Variants in CRACDL observed in about 807,000 individuals in gnomAD.
The protein encoded by CRACDL is CRACD-like protein.
Under a neutral mutation model 70.6 loss-of-function variants are expected in CRACDL, and 26 were observed. The observed-to-expected ratio is 0.37, with a 90% confidence interval of 0.27 to 0.51. The LOEUF is 0.51. CRACDL is among the 20% of genes least tolerant of loss of function. CRACDL has a pLI of 0.94. For missense variants in CRACDL, 1,283 were observed against 1,376.9 expected, an observed-to-expected ratio of 0.93 and a Z score of 1.08; for synonymous variants, 618 against 615.2, an observed-to-expected ratio of 1.00 and a Z score of -0.07.
intron 7 of CRACDL, among the ~76,000 whole-genome samples, chr2:98,800,816 T>C (rs1704044004): frequency 6.6e-6 from 1 of 152,240 alleles, no homozygotes; most frequent in Admixed American, 6.5e-5. Context: ...ATGCTGAGCT[T>C]GGCAAGAGGT....
At chr2:98,821,803 T>G in intron 7 of CRACDL, 54 bp downstream of exon 7, 2 of 1,580,120 alleles carry the variant, frequency 1.3e-6, no homozygotes, top group East Asian at 4.6e-5. Flanking sequence ...GATGTGCCCG[T>G]GGATGTGGAT....
At chr2:98,913,246 A>T (rs967505075) in intron 1 of CRACDL, among the ~76,000 whole-genome samples, 1 of 152,234 alleles carries the variant, frequency 6.6e-6, no homozygotes, top group African/African-American at 2.4e-5. Flanking sequence ...TGCAGGAGGC[A>T]GACAGGCATG....
chr2:98,933,994 C>T (rs1190382386), intron 1 of CRACDL, among the ~76,000 whole-genome samples: 1 of 152,198 alleles, frequency 6.6e-6, no homozygotes, highest in East Asian at 1.9e-4. Flanking sequence ...AAGGGACGAG[C>T]GAGCTCCTTG....
At chr2:98,877,680 A>T (rs1327769781) in intron 1 of CRACDL, among the ~76,000 whole-genome samples, 1 of 151,902 alleles carries the variant, frequency 6.6e-6, no homozygotes, top group Non-Finnish European at 1.5e-5. Context: ...ACCTGGGAGG[A>T]GGAGGTTGCA....
At chr2:98,934,583 C>G (rs533563982) in intron 1 of CRACDL, among the ~76,000 whole-genome samples, 154 of 152,272 alleles carry the variant, frequency 1.0e-3, no homozygotes, top group Admixed American at 2.4e-3. Flanking sequence ...CATGACGCAT[C>G]CTATGCAGCA....
chr2:98,929,359 C>T (rs1344708789), intron 1 of CRACDL, among the ~76,000 whole-genome samples: 5 of 152,198 alleles, frequency 3.3e-5, no homozygotes, highest in Non-Finnish European at 7.3e-5. Flanking sequence ...CGCACCTACT[C>T]CCTTACCTGT....
chr2:98,867,135 G>C (rs1048600505), intron 1 of CRACDL, among the ~76,000 whole-genome samples: 2 of 152,160 alleles, frequency 1.3e-5, no homozygotes, highest in African/African-American at 2.4e-5. Flanking sequence ...TTCTTTGCAA[G>C]AAAATACCAT....
At chr2:98,930,166 TC>T (rs1278199522) in intron 1 of CRACDL, among the ~76,000 whole-genome samples, 1 of 152,084 alleles carries the variant, frequency 6.6e-6, no homozygotes, top group Non-Finnish European at 1.5e-5. Flanking sequence ...CCAGGGCACC[TC>T]CCATCCGTGG....
chr2:98,883,421 G>C (rs1426341559), intron 1 of CRACDL, among the ~76,000 whole-genome samples: 3 of 152,196 alleles, frequency 2.0e-5, no homozygotes, highest in Admixed American at 6.5e-5. Context: ...CACCAGGCTG[G>C]GTGGGATTAA....
At chr2:98,930,035 T>C (rs1709030531) in intron 1 of CRACDL, among the ~76,000 whole-genome samples, 1 of 152,090 alleles carries the variant, frequency 6.6e-6, no homozygotes, top group Non-Finnish European at 1.5e-5. Flanking sequence ...GCTTCCCCAC[T>C]GGTGACCCAA....
chr2:98,920,133 A>C (rs919076764), intron 1 of CRACDL, among the ~76,000 whole-genome samples: 2 of 152,150 alleles, frequency 1.3e-5, no homozygotes, highest in African/African-American at 4.8e-5. Flanking sequence ...TTAAATCCAT[A>C]AGTTAATTTG....
chr2:98,921,695 A>AT (rs1310461761), intron 1 of CRACDL, among the ~76,000 whole-genome samples: 4 of 152,146 alleles, frequency 2.6e-5, no homozygotes, highest in African/African-American at 9.7e-5. Context: ...TGAGCACTTG[A>AT]TCCTGAGACG....
At chr2:98,876,926 A>G (rs1332486694) in intron 1 of CRACDL, among the ~76,000 whole-genome samples, 1 of 152,244 alleles carries the variant, frequency 6.6e-6, no homozygotes, top group African/African-American at 2.4e-5. Flanking sequence ...TAATGGGATT[A>G]GTAACCACAG....
chr2:98,821,976 G>A lies in CRACDL; in HGVS notation c.2297C>T (p.Pro766Leu). Residue 766 changes from proline (P) to leucine (L), a missense_variant, in exon 7 of 10, where the codon CCG becomes CTG. By Grantham distance (98) the Pro-to-Leu change is moderately conservative (BLOSUM62 -3). Transcript: ENST00000397899. ...LSSKPPLPRK[P>L]LLQSFTLPHQ... ...CGGGAGCGTGAAGCTCTGCAGAAGC[G>A]GCTTCCGGGGCAGGGGCGGCTTGGA... The A allele has an allele frequency of 6.5e-7, 1 of 1,531,818 alleles. No homozygotes were observed. Among genetic ancestry groups the A allele is most frequent in the Non-Finnish European group, 8.8e-7 (1 of 1,140,260 alleles). 94.9% of individuals were successfully genotyped at this position (1,531,818 alleles called of 1,614,324 possible).
rs113859496 is a variant in CRACDL at position 98,883,849 on chromosome 2, C to T, written c.-10-37039G>A. Among the ~76,000 whole-genome samples the T allele has an allele frequency of 3.8e-3, 581 of 152,292 alleles. 2 individuals carry two copies. Among genetic ancestry groups the T allele is most frequent in the Non-Finnish European group, 6.7e-3 (453 of 68,014 alleles). On this transcript the variant is annotated intron_variant, in intron 1 of 9. Transcript: ENST00000397899. The stretch of plus-strand genomic sequence containing the variant: ...GGACCGAATGAGATGATGTAATGTA[C>T]AAAGGAGGGATGAAGCTAATGGCAG...
intron 1 of CRACDL, among the ~76,000 whole-genome samples, chr2:98,917,099 T>C (rs750054450): frequency 6.6e-6 from 1 of 152,216 alleles, no homozygotes; most frequent in Non-Finnish European, 1.5e-5. Context: ...CGGCCCACTA[T>C]CCTTCCTGCC....
intron 1 of CRACDL, among the ~76,000 whole-genome samples, chr2:98,866,472 C>CTTCTTTTTTTT (rs746904745): frequency 9.3e-6 from 1 of 107,812 alleles, no homozygotes. Context: ...ACAATCACTT[C>CTTCTTTTTTTT]TTCTTTTTTT....
At chr2:98,859,318 T>C (rs1467209813) in intron 1 of CRACDL, among the ~76,000 whole-genome samples, 1 of 152,128 alleles carries the variant, frequency 6.6e-6, no homozygotes, top group Non-Finnish European at 1.5e-5. Flanking sequence ...TGAAAACTAA[T>C]TAATGCAAAA....
intron 1 of CRACDL, among the ~76,000 whole-genome samples, chr2:98,896,772 A>C (rs1708137157): frequency 6.6e-6 from 1 of 152,114 alleles, no homozygotes; most frequent in African/African-American, 2.4e-5. Context: ...GTTTTCTTTT[A>C]GGCTTTTAGC....
Sources: allele counts gnomAD v4.1 joint callset (sites outside exome capture counted in the v4.1 genomes callset), GRCh38; gene constraint gnomAD v4.1.1; transcripts MANE v1.5; gene names NCBI Gene and HGNC (gene_info 2026-07-23, HGNC 2026-07-21).